RTN1: variants seen among roughly 807,000 people sequenced by gnomAD.
RTN1 encodes the protein reticulon 1.
In RTN1, 25 loss-of-function variants were observed where a neutral mutation model predicts 65.5. The observed-to-expected ratio is 0.38, with a 90% confidence interval of 0.28 to 0.53. RTN1 has a LOEUF of 0.53. Among genes scored for constraint, RTN1 ranks in the 20% least tolerant of loss-of-function variants. The probability of loss-of-function intolerance (pLI) is 0.79; values close to 1 mark genes in which losing one functional copy is unlikely to be tolerated. For missense variants in RTN1, 983 were observed against 1,025.4 expected (o/e 0.96, Z 0.57); for synonymous variants, 471 against 447.6 (o/e 1.05, Z -0.66).
In RTN1 at chr14:59,781,114, T is replaced by A. The variant is rs555256462; in HGVS notation, c.242-34633A>T. On this transcript the variant is annotated intron_variant, in intron 1 of 8. Coordinates refer to ENST00000267484, the MANE Select transcript of RTN1 (RefSeq NM_021136.3). ...CCATGTGGAACTGGTGTCTTATCCC[T>A]GTTTTGCAGATAAGGAAATGGAAGT... 2.4e-4 allele frequency among the ~76,000 whole-genome samples: 36 copies of A among 152,236 alleles called. 1 individual carries two copies. The highest frequency in any genetic ancestry group is 8.7e-4 in the African/African-American group (36 of 41,556).
chr14:59,661,638 C>G (rs1412411294), intron 3 of RTN1, among the ~76,000 whole-genome samples: 1 of 152,068 alleles, frequency 6.6e-6, no homozygotes, highest in Non-Finnish European at 1.5e-5. Flanking sequence ...TAAACAGAAC[C>G]AACAACAAAA....
intron 1 of RTN1, among the ~76,000 whole-genome samples, chr14:59,862,133 T>C (rs1197678401): frequency 6.6e-6 from 1 of 152,254 alleles, no homozygotes; most frequent in Non-Finnish European, 1.5e-5. Flanking sequence ...TTGCATCTCC[T>C]ACGTTCTATA....
chr14:59,749,821 T>TTATATATATCTATATGTATATTTA lies in RTN1; in HGVS notation c.242-3364_242-3341dup, dbSNP rs1566712761. 6.5e-3 allele frequency among the ~76,000 whole-genome samples: 702 copies of TTATATATATCTATATGTATATTTA among 107,340 alleles called. 16 individuals are homozygous for TTATATATATCTATATGTATATTTA. The highest frequency in any genetic ancestry group is 0.026 in the African/African-American group (674 of 25,526). The allele number at this position is 107,340 out of a possible 152,430, so 70.4% of individuals were successfully genotyped here. ...TATTTATATATATCTATATGTATATTTATATATATCTATATGTATATTTAT... is the reference window on the plus strand; with the variant it reads ...TATTTATATATATCTATATGTATATTTATATATATCTATATGTATATTTATATATATATCTATATGTATATTTAT... On this transcript the variant is annotated intron_variant, in intron 1 of 8. Coordinates refer to ENST00000267484, the MANE Select transcript of RTN1 (RefSeq NM_021136.3).
intron 1 of RTN1, among the ~76,000 whole-genome samples, chr14:59,864,882 T>C (rs773264637): frequency 8.0e-5 from 12 of 150,378 alleles, no homozygotes; most frequent in Non-Finnish European, 1.8e-4. Flanking sequence ...ATCTTGTTGC[T>C]TTTGAATAAA....
rs61736371 is a variant in RTN1 at position 59,746,353 on chromosome 14, T to C, written c.370A>G (p.Thr124Ala). 1.9e-3 allele frequency: 3,027 copies of C among 1,614,098 alleles called. 51 individuals are homozygous for C. In the African/African-American group the frequency reaches 0.036, roughly 19 times the overall value. The change falls in exon 2 of 9, where the codon ACT (threonine) becomes GCT (alanine). Residue 124 changes from threonine to alanine, a missense_variant. By Grantham distance (58) the Thr-to-Ala change is moderately conservative (BLOSUM62 0). Coordinates refer to ENST00000267484, the MANE Select transcript of RTN1 (RefSeq NM_021136.3). ...YPPQEDSTYF[T>A]GILQKENGHV... Reference sequence around the variant, plus strand: ...CCATTTTCCTTCTGAAGAATTCCAGTAAAATATGTAGAATCCTCCTGAGGT... The same window carrying C: ...CCATTTTCCTTCTGAAGAATTCCAGCAAAATATGTAGAATCCTCCTGAGGT...
chr14:59,754,771 T>C lies in RTN1; in HGVS notation c.242-8290A>G, dbSNP rs1162578515. ...CGTTAGTTTCTTCCTTTATCTCTAA[T>C]GACATCCTCTCATGGTAGAGTGGGC... is the stretch of plus-strand genomic sequence containing the variant. On this transcript the variant is annotated intron_variant, in intron 1 of 8. Coordinates refer to ENST00000267484, the MANE Select transcript of RTN1 (RefSeq NM_021136.3). Among the ~76,000 whole-genome samples the C allele has an allele frequency of 3.3e-5, 5 of 152,168 alleles. No individual in the cohort carries two copies. In the East Asian group the frequency reaches 9.6e-4, roughly 29 times the overall value.
intron 2 of RTN1, among the ~76,000 whole-genome samples, chr14:59,740,982 T>C (rs1247048640): frequency 2.6e-5 from 4 of 152,284 alleles, no homozygotes; most frequent in Non-Finnish European, 4.4e-5. Flanking sequence ...ATTATGATGA[T>C]ATAATTGAGA....
At chr14:59,770,305 G>A (rs1045489335) in intron 1 of RTN1, among the ~76,000 whole-genome samples, 1 of 146,892 alleles carries the variant, frequency 6.8e-6, no homozygotes, top group Admixed American at 7.1e-5. Flanking sequence ...TTGAACCTGG[G>A]AGGTAGAGGT....
chr14:59,758,456 C>G (rs563047982), intron 1 of RTN1, among the ~76,000 whole-genome samples: 74 of 152,330 alleles, frequency 4.9e-4, no homozygotes, highest in African/African-American at 1.6e-3. Flanking sequence ...CACACCTGCT[C>G]AAGCCCACAA....
chr14:59,665,783 G>A (rs1164073867), intron 3 of RTN1, among the ~76,000 whole-genome samples: 1 of 152,086 alleles, frequency 6.6e-6, no homozygotes, highest in African/African-American at 2.4e-5. Flanking sequence ...AAAAGCAGGG[G>A]TTGCAATCCT....
At position 59,785,857 on chromosome 14, in the gene RTN1, T is replaced by C. The variant is rs1303774982; in HGVS notation, c.242-39376A>G. Among the ~76,000 whole-genome samples, 7 of 152,182 alleles carry C rather than the reference T, an allele frequency of 4.6e-5. No individual in the cohort carries two copies. In the East Asian group the frequency reaches 1.3e-3, roughly 29 times the overall value. On this transcript the variant is annotated intron_variant, in intron 1 of 8. Coordinates refer to ENST00000267484, the MANE Select transcript of RTN1 (RefSeq NM_021136.3). ...TATGGTGTTATTATTTGACTCTGACTCCAGGATTAGAGTCCTCACTGTTCT... is the reference window on the plus strand; with the variant it reads ...TATGGTGTTATTATTTGACTCTGACCCCAGGATTAGAGTCCTCACTGTTCT...
chr14:59,765,371 T>C (rs1476271352), intron 1 of RTN1, among the ~76,000 whole-genome samples: 1 of 152,202 alleles, frequency 6.6e-6, no homozygotes, highest in Non-Finnish European at 1.5e-5. Flanking sequence ...TTGAAGGATG[T>C]GGAGAATTTA....
At chr14:59,734,834 C>T (rs958617962) in intron 2 of RTN1, among the ~76,000 whole-genome samples, 3 of 152,072 alleles carry the variant, frequency 2.0e-5, no homozygotes, top group Non-Finnish European at 4.4e-5. Flanking sequence ...CCCAGGAAAA[C>T]TTCCCCAACC....
chr14:59,746,171 G>A lies in RTN1; in HGVS notation c.552C>T (p.Asp184=). 2.5e-6 allele frequency: 4 copies of A among 1,606,900 alleles called. No individual in the cohort carries two copies. The highest frequency in any genetic ancestry group is 3.4e-6 in the Non-Finnish European group (4 of 1,177,420). The change falls in exon 2 of 9, where the codon GAC becomes GAT. Residue 184 remains aspartate, a synonymous_variant. Coordinates refer to ENST00000267484, the MANE Select transcript of RTN1 (RefSeq NM_021136.3). ...CCTCTGCTTTCATCTGGTCCAGAGG[G>A]TCTGCTAAGATCTTGTTCACTTCCG... is the stretch of plus-strand genomic sequence containing the variant. ...ESTEVNKILA[D]PLDQMKAEAY...
At chr14:59,675,518 T>G (rs1249909115) in intron 3 of RTN1, among the ~76,000 whole-genome samples, 1 of 151,368 alleles carries the variant, frequency 6.6e-6, no homozygotes, top group Non-Finnish European at 1.5e-5. Flanking sequence ...AATATGTTCT[T>G]TCATTTAACA....
intron 3 of RTN1, among the ~76,000 whole-genome samples, chr14:59,609,341 T>G (rs1259820998): frequency 6.6e-6 from 1 of 151,828 alleles, no homozygotes; most frequent in Non-Finnish European, 1.5e-5. Context: ...TTTTTTTTTT[T>G]GATGCAAAGA....
intron 3 of RTN1, among the ~76,000 whole-genome samples, chr14:59,706,258 C>T (rs1474873075): frequency 6.6e-6 from 1 of 152,212 alleles, no homozygotes; most frequent in Non-Finnish European, 1.5e-5. Context: ...AGAACCGTGT[C>T]CCAGGCTATT....
At chr14:59,605,154 G>T in intron 5 of RTN1, 1 of 443,428 alleles carries the variant, frequency 2.3e-6, no homozygotes, top group Non-Finnish European at 3.9e-6. Flanking sequence ...GTGACTCACT[G>T]GGCAACCCTG....
intron 3 of RTN1, among the ~76,000 whole-genome samples, chr14:59,636,063 A>C (rs1234718168): frequency 6.6e-6 from 1 of 152,238 alleles, no homozygotes; most frequent in East Asian, 1.9e-4. Flanking sequence ...GGATGAAAAA[A>C]ATCTAGCCAG....
Sources: allele counts gnomAD v4.1 joint callset (sites outside exome capture counted in the v4.1 genomes callset), GRCh38; gene constraint gnomAD v4.1.1; transcripts MANE v1.5; gene names NCBI Gene and HGNC (gene_info 2026-07-23, HGNC 2026-07-21).